ANKS3: variants seen among roughly 807,000 people sequenced by gnomAD.
The protein encoded by ANKS3 is ankyrin repeat and SAM domain-containing protein 3.
ANKS3 carries 62 observed loss-of-function variants against 80.7 expected under a neutral mutation model. That is an observed-to-expected ratio of 0.77 (90% confidence interval 0.63 to 0.95). The LOEUF (loss-of-function observed/expected upper bound fraction) is 0.95. Ranked by LOEUF, ANKS3 falls within the 40% of genes least tolerant of loss-of-function variation. The probability of loss-of-function intolerance (pLI) is 0.00; values close to 1 mark genes in which losing one functional copy is unlikely to be tolerated. For missense variants in ANKS3, 1,150 were observed against 883.6 expected (o/e 1.30, Z -3.82); for synonymous variants, 489 against 355.3 (o/e 1.38, Z -4.23).
At chr16:4,724,645 A>G in intron 6 of ANKS3, 105 bp downstream of exon 6, 1 of 1,112,622 alleles carries the variant, frequency 9.0e-7, no homozygotes, top group Non-Finnish European at 1.3e-6. Flanking sequence ...AAATGAATGA[A>G]AGTTATTTCT....
chr16:4,701,286 G>A, intron 10 of ANKS3, 148 bp downstream of exon 10: 1 of 1,388,160 alleles, frequency 7.2e-7, no homozygotes, highest in Non-Finnish European at 9.8e-7. Context: ...CGTCTGAGAA[G>A]CCAGACCCTG....
In ANKS3 at chr16:4,696,758, CTCTG is replaced by C. The variant is rs1392032901; in HGVS notation, c.*146_*149del. 13 of 549,106 alleles carry C rather than the reference CTCTG, an allele frequency of 2.4e-5. No individual in the cohort carries two copies. Among genetic ancestry groups the C allele is most frequent in the Non-Finnish European group, 4.3e-5 (13 of 304,578 alleles). The allele number at this position is 549,106 out of a possible 1,614,324, so 34.0% of individuals were successfully genotyped here. ...GCCAGGGCCGCAGCCCCCGTCTTGC[CTCTG>C]TCTGCCGGCTGCTCCCGGGGCCTGA... On this transcript the variant is annotated 3_prime_UTR_variant, in exon 18 of 18. Coordinates refer to ENST00000304283, the MANE Select transcript of ANKS3 (RefSeq NM_133450.4).
At chr16:4,701,778 G>C (rs905381209) in intron 9 of ANKS3, 3 of 512,662 alleles carry the variant, frequency 5.9e-6, no homozygotes, top group Admixed American at 7.1e-5. Context: ...CTTGGCACAC[G>C]GTGGGCACTA....
intron 7 of ANKS3, among the ~76,000 whole-genome samples, chr16:4,708,391 C>T (rs140742920): frequency 6.6e-6 from 1 of 152,128 alleles, no homozygotes; most frequent in East Asian, 1.9e-4. Context: ...GTATTAAATA[C>T]AGAACCCCCA....
intron 7 of ANKS3, among the ~76,000 whole-genome samples, chr16:4,710,763 A>G (rs1345570518): frequency 5.9e-5 from 9 of 152,214 alleles, no homozygotes. Flanking sequence ...AGGAGAAAAT[A>G]ACCACTGAAA....
At chr16:4,699,434 A>G (rs1183502641) in intron 11 of ANKS3, 4 of 522,152 alleles carry the variant, frequency 7.7e-6, no homozygotes, top group Non-Finnish European at 1.4e-5. Context: ...CCTCCCACAC[A>G]TGCTCAGTTC....
chr16:4,732,403 C>T (rs1405090322), intron 1 of ANKS3, among the ~76,000 whole-genome samples: 2 of 152,164 alleles, frequency 1.3e-5, no homozygotes, highest in Non-Finnish European at 2.9e-5. Flanking sequence ...TGGAGACTTG[C>T]ATATCTGACA....
intron 8 of ANKS3, among the ~76,000 whole-genome samples, chr16:4,702,865 C>G (rs532932491): frequency 6.6e-6 from 1 of 152,082 alleles, no homozygotes; most frequent in African/African-American, 2.4e-5. Flanking sequence ...TGACCAGTCA[C>G]GGTGGCACAT....
At chr16:4,701,313 G>T in intron 10 of ANKS3, 121 bp downstream of exon 10, 1 of 1,314,824 alleles carries the variant, frequency 7.6e-7, no homozygotes, top group Non-Finnish European at 1.0e-6. Flanking sequence ...GCACGTCCCA[G>T]TGCAGCACAC....
At chr16:4,722,118 C>T (rs34015127) in intron 6 of ANKS3, among the ~76,000 whole-genome samples, 1,963 of 151,362 alleles carry the variant, frequency 0.013, 71 homozygotes, top group African/African-American at 0.044. Context: ...GGTGCACCCA[C>T]CTTCTGGTCT....
intron 6 of ANKS3, among the ~76,000 whole-genome samples, chr16:4,721,174 G>A (rs577782186): frequency 4.7e-5 from 7 of 148,350 alleles, no homozygotes; most frequent in African/African-American, 1.2e-4. Context: ...GCATGGTGGC[G>A]GGCGCCTGTG....
chr16:4,697,602 TGAGCAAACACTAC>T (rs1220729640), intron 15 of ANKS3, among the ~76,000 whole-genome samples, 186 bp from the exon 16 acceptor site: 1 of 151,704 alleles, frequency 6.6e-6, no homozygotes, highest in East Asian at 1.9e-4. Context: ...TCCCACAGGC[TGAGCAAACACTAC>T]GAGGCCCGGG....
In ANKS3 at chr16:4,727,037, G is replaced by A; in HGVS notation, c.311C>T (p.Thr104Ile). 6.2e-7 allele frequency: 1 copy of A among 1,614,180 alleles called. No individual in the cohort carries two copies. The highest frequency in any genetic ancestry group is 8.5e-7 in the Non-Finnish European group (1 of 1,180,032). ...ACAGCTGGAGGCCAGCATCAGTGGA[G>A]TCTGCCCTTCTGGGGTCGGCACATT... Reference protein sequence around the residue: ...SVNVPTPEGQTPLMLASSCGN... With the variant: ...SVNVPTPEGQIPLMLASSCGN... Residue 104 changes from threonine to isoleucine, a missense_variant, in exon 4 of 18, where the codon ACT becomes ATT. By Grantham distance (89) the Thr-to-Ile change is moderately conservative. Coordinates refer to ENST00000304283, the MANE Select transcript of ANKS3 (RefSeq NM_133450.4).
intron 10 of ANKS3, 82 bp downstream of exon 10, chr16:4,701,352 G>A (rs2079891941): frequency 2.2e-6 from 3 of 1,395,064 alleles, no homozygotes; most frequent in Non-Finnish European, 2.9e-6. Context: ...TTACATACAT[G>A]CTCATCTTAA....
intron 9 of ANKS3, 141 bp from the exon 10 acceptor site, chr16:4,701,684 T>C (rs2079914875): frequency 1.5e-6 from 1 of 678,290 alleles, no homozygotes; most frequent in Admixed American, 3.0e-5. Flanking sequence ...ACTTCCTGCC[T>C]GTCCTAAACC....
chr16:4,714,116 A>C lies in ANKS3; in HGVS notation c.644T>G (p.Met215Arg), dbSNP rs78384770. The change falls in exon 7 of 18, where the codon ATG (methionine) becomes AGG (arginine). Residue 215 changes from methionine to arginine, a missense_variant. By Grantham distance (91) the Met-to-Arg change is moderately conservative. Coordinates refer to ENST00000304283, the MANE Select transcript of ANKS3 (RefSeq NM_133450.4). ...AGTGTCCATCAAGGCCACGATCTTC[A>C]TGTGTCCGTACTGCTTGGCCAGCAT... ...ARMLAKQYGH[M>R]KIVALMDTYS... 51,399 of 1,614,110 alleles carry C rather than the reference A, an allele frequency of 0.032. 963 individuals are homozygous for C. The highest frequency in any genetic ancestry group is 0.055 in the Admixed American group (3,310 of 60,010).
chr16:4,733,761 A>C (rs1208365368), intron 1 of ANKS3, among the ~76,000 whole-genome samples, 177 bp downstream of exon 1: 5 of 152,192 alleles, frequency 3.3e-5, no homozygotes, highest in Non-Finnish European at 7.4e-5. Flanking sequence ...CTACGTACCC[A>C]CAAAAATTAA....
chr16:4,722,575 C>CAAA (rs1228159968), intron 6 of ANKS3, among the ~76,000 whole-genome samples: 2 of 51,392 alleles, frequency 3.9e-5, no homozygotes, highest in African/African-American at 1.4e-4. Flanking sequence ...GACTCAGTCT[C>CAAA]AAAAAAAAAA....
At chr16:4,704,121 C>G (rs996605284) in intron 8 of ANKS3, among the ~76,000 whole-genome samples, 1 of 152,180 alleles carries the variant, frequency 6.6e-6, no homozygotes, top group Non-Finnish European at 1.5e-5. Context: ...GCCAGCAGCT[C>G]GAGAGAGGCC....
Sources: gnomAD v4.1 joint callset for allele counts (sites outside exome capture counted in the v4.1 genomes callset) on GRCh38, gnomAD v4.1.1 for gene constraint, MANE v1.5 for transcripts, NCBI Gene and HGNC (gene_info 2026-07-23, HGNC 2026-07-21) for gene names.